The following RABGAP1L variants were observed in gnomAD, a reference collection of about 807,000 sequenced individuals.
RABGAP1L encodes the protein rab GTPase-activating protein 1-like.
In RABGAP1L, 63 loss-of-function variants were observed where a neutral mutation model predicts 137.7. The ratio of observed to expected loss-of-function variants is 0.46; its 90% confidence interval spans 0.37 to 0.56. RABGAP1L has a LOEUF of 0.56. Among genes scored for constraint, RABGAP1L ranks in the 20% least tolerant of loss-of-function variants. The pLI, the probability that RABGAP1L is intolerant of heterozygous loss-of-function variation, is 0.00. For missense variants in RABGAP1L, 1,095 were observed against 1,244.0 expected, an observed-to-expected ratio of 0.88 and a Z score of 1.80; for synonymous variants, 431 against 433.7, an observed-to-expected ratio of 0.99 and a Z score of 0.08.
At chr1:174,207,055 A>G (rs1157682915) in intron 1 of RABGAP1L, among the ~76,000 whole-genome samples, 1 of 152,186 alleles carries the variant, frequency 6.6e-6, no homozygotes, top group Admixed American at 6.5e-5. Flanking sequence ...CAGATTTTCT[A>G]TAATGCTGAT....
intron 15 of RABGAP1L, among the ~76,000 whole-genome samples, chr1:174,692,998 T>G (rs1310872018): frequency 6.6e-6 from 1 of 152,196 alleles, no homozygotes; most frequent in Non-Finnish European, 1.5e-5. Flanking sequence ...CAAAATCATG[T>G]ATTTCTCCTG....
At chr1:174,976,219 G>A (rs1380356791) in intron 22 of RABGAP1L, 37 bp downstream of exon 22, 1 of 1,460,682 alleles carries the variant, frequency 6.8e-7, no homozygotes, top group Non-Finnish European at 9.4e-7. Context: ...CTTTACAAAG[G>A]TATGTTGGTA....
At chr1:174,860,551 G>T (rs1039082319) in intron 19 of RABGAP1L, among the ~76,000 whole-genome samples, 7 of 152,192 alleles carry the variant, frequency 4.6e-5, no homozygotes, top group African/African-American at 1.4e-4. Context: ...TAATAAAACT[G>T]TATATTCCAC....
At chr1:174,177,023 C>T (rs1665945602) in intron 1 of RABGAP1L, among the ~76,000 whole-genome samples, 1 of 152,170 alleles carries the variant, frequency 6.6e-6, no homozygotes, top group African/African-American at 2.4e-5. Context: ...TTGCAGTGAA[C>T]TGAGATAACA....
intron 19 of RABGAP1L, among the ~76,000 whole-genome samples, chr1:174,921,556 CAATT>C (rs1661813787): frequency 1.3e-5 from 2 of 152,186 alleles, no homozygotes; most frequent in African/African-American, 4.8e-5. Flanking sequence ...ATGTGAGCAT[CAATT>C]AATAGCCCCT....
chr1:174,809,928 A>G (rs1025547524), intron 18 of RABGAP1L, among the ~76,000 whole-genome samples: 3 of 152,228 alleles, frequency 2.0e-5, no homozygotes, highest in African/African-American at 7.2e-5. Context: ...AGTTGAGAGC[A>G]TGCTAAGCAT....
intron 7 of RABGAP1L, among the ~76,000 whole-genome samples, chr1:174,267,046 AGCT>A (rs1674132946): frequency 6.6e-6 from 1 of 152,214 alleles, no homozygotes; most frequent in Non-Finnish European, 1.5e-5. Context: ...AGGAACAGAA[AGCT>A]GCTTATGGTT....
At chr1:174,417,998 G>A (rs1267267016) in intron 13 of RABGAP1L, among the ~76,000 whole-genome samples, 1 of 152,146 alleles carries the variant, frequency 6.6e-6, no homozygotes, top group Non-Finnish European at 1.5e-5. Flanking sequence ...GCTTATCAAA[G>A]TTTCCATTAA....
chr1:174,514,419 C>T (rs1241072031), intron 13 of RABGAP1L, among the ~76,000 whole-genome samples: 2 of 151,994 alleles, frequency 1.3e-5, no homozygotes, highest in Non-Finnish European at 2.9e-5. Context: ...AGAAGCTTGA[C>T]CTGAAAGAGT....
chr1:174,517,342 C>T (rs1368919389), intron 13 of RABGAP1L, among the ~76,000 whole-genome samples: 1 of 152,026 alleles, frequency 6.6e-6, no homozygotes, highest in African/African-American at 2.4e-5. Flanking sequence ...GAGAAACATA[C>T]CTTTTGCAAT....
chr1:174,768,587 T>A (rs1377686594), intron 18 of RABGAP1L, among the ~76,000 whole-genome samples: 1 of 152,184 alleles, frequency 6.6e-6, no homozygotes, highest in Non-Finnish European at 1.5e-5. Context: ...AGCAGGCCAC[T>A]GTGCATGTGG....
chr1:174,965,102 T>C (rs1056939352), intron 20 of RABGAP1L: 13 of 690,918 alleles, frequency 1.9e-5, no homozygotes, highest in Non-Finnish European at 3.1e-5. Flanking sequence ...ACATCTCCTA[T>C]CCATAAGGGG....
At chr1:174,970,033 C>G (rs1433280666) in intron 21 of RABGAP1L, among the ~76,000 whole-genome samples, 1 of 152,104 alleles carries the variant, frequency 6.6e-6, no homozygotes, top group Non-Finnish European at 1.5e-5. Flanking sequence ...AAAGGGAATT[C>G]AAAAACAAAA....
At chr1:174,952,469 C>T (rs1468968345) in intron 19 of RABGAP1L, among the ~76,000 whole-genome samples, 3 of 151,594 alleles carry the variant, frequency 2.0e-5, no homozygotes, top group East Asian at 1.9e-4. Context: ...TGTGATTGCG[C>T]CACTGCACTC....
At chr1:174,532,807 A>T (rs1025629204) in intron 13 of RABGAP1L, among the ~76,000 whole-genome samples, 2 of 152,232 alleles carry the variant, frequency 1.3e-5, no homozygotes, top group Non-Finnish European at 2.9e-5. Context: ...GATATATAAA[A>T]AAAAATGGGG....
chr1:174,595,638 C>T lies in RABGAP1L; in HGVS notation c.1711-41737C>T, dbSNP rs1400018547. On this transcript the variant is annotated intron_variant, in intron 13 of 25. Coordinates refer to ENST00000681986, the MANE Select transcript of RABGAP1L (RefSeq NM_001366446.1). Reference sequence around the variant, plus strand: ...GATGTGAGGTGTCAGTGTGCCCCTGCTGGGGGCTGCCTCCCAGTTAGGCTG... The same window carrying T: ...GATGTGAGGTGTCAGTGTGCCCCTGTTGGGGGCTGCCTCCCAGTTAGGCTG... Among the ~76,000 whole-genome samples, 5 of 150,142 alleles carry T rather than the reference C, an allele frequency of 3.3e-5. 1 individual carries two copies. The highest frequency in any genetic ancestry group is 1.2e-4 in the African/African-American group (5 of 40,294).
At chr1:174,398,505 T>C (rs1648156206) in intron 13 of RABGAP1L, among the ~76,000 whole-genome samples, 1 of 152,036 alleles carries the variant, frequency 6.6e-6, no homozygotes, top group Non-Finnish European at 1.5e-5. Flanking sequence ...CCACCACAAA[T>C]AACAATCCTG....
At chr1:174,210,327 A>G (rs562764340) in intron 1 of RABGAP1L, among the ~76,000 whole-genome samples, 1 of 152,340 alleles carries the variant, frequency 6.6e-6, no homozygotes, top group East Asian at 1.9e-4. Flanking sequence ...AGGCAGTTCA[A>G]AGAAATTCAA....
chr1:174,859,657 C>A (rs1649930141), intron 19 of RABGAP1L, among the ~76,000 whole-genome samples: 1 of 151,904 alleles, frequency 6.6e-6, no homozygotes, highest in African/African-American at 2.4e-5. Flanking sequence ...GATGGTCACA[C>A]AGAGGGGAGC....
Sources: allele counts gnomAD v4.1 joint callset (sites outside exome capture counted in the v4.1 genomes callset), GRCh38; gene constraint gnomAD v4.1.1; transcripts MANE v1.5; gene names NCBI Gene and HGNC (gene_info 2026-07-23, HGNC 2026-07-21).